The following SRGAP1 variants were observed in gnomAD, a reference collection of about 807,000 sequenced individuals.
The protein encoded by SRGAP1 is SLIT-ROBO Rho GTPase activating protein 1.
In SRGAP1, 43 loss-of-function variants were observed where a neutral mutation model predicts 121.9. The observed-to-expected ratio is 0.35, with a 90% CI of 0.28 to 0.46. The LOEUF is 0.46. SRGAP1 is among the 20% of genes least tolerant of loss of function. The probability of loss-of-function intolerance (pLI) is 1.00; values close to 1 mark genes in which losing one functional copy is unlikely to be tolerated. For synonymous variants in SRGAP1, 447 were observed against 485.4 expected (o/e 0.92, Z 1.04); for missense variants, 1,102 against 1,350.9 (o/e 0.82, Z 2.89).
At chr12:63,947,081 A>G (rs1248705042) in intron 1 of SRGAP1, among the ~76,000 whole-genome samples, 1 of 152,228 alleles carries the variant, frequency 6.6e-6, no homozygotes, top group South Asian at 2.1e-4. Flanking sequence ...TAACCACTAC[A>G]AATAAAAGTG....
rs1332026574 is a variant in SRGAP1, at chr12:63,861,158, GC to G, written c.67+16276del. 6.3e-5 allele frequency among the ~76,000 whole-genome samples: 9 copies of G among 143,270 alleles called. No individual in the cohort carries two copies. The East Asian group carries it at 1.8e-3, about 29-fold the overall frequency. The allele number at this position is 143,270 out of a possible 152,430, so 94.0% of individuals were successfully genotyped here. A position where few individuals can be genotyped will look rare whatever the true frequency, so the allele number is the denominator to read the frequency against. On this transcript the variant is annotated intron_variant, in intron 1 of 21. Transcript: ENST00000355086. Reference sequence around the variant, plus strand: ...GGTTGTAAAATTTCCTCTAAGTACTGCTTTACCTGCATTCTGTAATTTTTTT... The same window carrying G: ...GGTTGTAAAATTTCCTCTAAGTACTGTTTACCTGCATTCTGTAATTTTTTT...
intron 15 of SRGAP1, among the ~76,000 whole-genome samples, chr12:64,100,684 A>G (rs1370848638): frequency 6.6e-6 from 1 of 152,220 alleles, no homozygotes; most frequent in Non-Finnish European, 1.5e-5. Context: ...TCAAAAACAT[A>G]CATATTGACA....
chr12:64,035,154 G>C (rs980981642), intron 4 of SRGAP1, among the ~76,000 whole-genome samples: 3 of 152,004 alleles, frequency 2.0e-5, no homozygotes, highest in African/African-American at 7.3e-5. Context: ...ATCCATTGTA[G>C]GTGTATGTTA....
intron 15 of SRGAP1, among the ~76,000 whole-genome samples, chr12:64,100,208 A>T (rs553090708): frequency 6.6e-6 from 1 of 152,336 alleles, no homozygotes; most frequent in South Asian, 2.1e-4. Context: ...TGGGTTGGCC[A>T]CTTATCAATC....
chr12:64,051,616 A>C (rs1182909078), intron 6 of SRGAP1, among the ~76,000 whole-genome samples: 2 of 152,210 alleles, frequency 1.3e-5, no homozygotes, highest in Non-Finnish European at 2.9e-5. Context: ...AACTTTTAAT[A>C]ATTCAACACT....
chr12:63,954,157 T>C (rs1318006224), intron 1 of SRGAP1, among the ~76,000 whole-genome samples: 4 of 152,186 alleles, frequency 2.6e-5, no homozygotes, highest in Admixed American at 6.5e-5. Flanking sequence ...AGTAGCTCCA[T>C]AGGAAACTTT....
chr12:63,995,059 G>C (rs2033657153), intron 3 of SRGAP1, among the ~76,000 whole-genome samples: 1 of 152,208 alleles, frequency 6.6e-6, no homozygotes, highest in East Asian at 1.9e-4. Flanking sequence ...AACGTTAATA[G>C]AAGTATGTAG....
At chr12:63,876,209 C>T (rs752391366) in intron 1 of SRGAP1, among the ~76,000 whole-genome samples, 11 of 152,036 alleles carry the variant, frequency 7.2e-5, no homozygotes, top group East Asian at 1.9e-4. Flanking sequence ...TCAGAAAACA[C>T]GCTTGGAGAA....
intron 1 of SRGAP1, among the ~76,000 whole-genome samples, chr12:63,889,374 G>A (rs1900500015): frequency 6.6e-6 from 1 of 152,210 alleles, no homozygotes; most frequent in Non-Finnish European, 1.5e-5. Context: ...GAGGTGGAGA[G>A]AAGAGGCGGC....
chr12:63,993,488 T>C, intron 3 of SRGAP1, among the ~76,000 whole-genome samples: 1 of 152,224 alleles, frequency 6.6e-6, no homozygotes, highest in East Asian at 1.9e-4. Context: ...GAGTCATTAG[T>C]GAGCATAATG....
At position 64,145,556 on chromosome 12, in the gene SRGAP1, CT is replaced by C. The variant is rs763638921; in HGVS notation, c.*2897del. 2.6e-3 allele frequency: 378 copies of C among 144,960 alleles called. No homozygotes were observed. Among genetic ancestry groups the C allele is most frequent in the Non-Finnish European group, 3.0e-3 (196 of 65,732 alleles). 9.0% of individuals were successfully genotyped at this position (144,960 alleles called of 1,614,324 possible). ...CTATACTCCTATTGTCAGCTTGAGA[CT>C]TTTTTTTTTTTTCAATTCCAAATGA... On this transcript the variant is annotated 3_prime_UTR_variant, in exon 22 of 22. Transcript: ENST00000355086.
At position 64,126,129 on chromosome 12, in the gene SRGAP1, C is replaced by T. The variant is rs1401655826; in HGVS notation, c.2377C>T (p.Pro793Ser). Residue 793 changes from proline to serine, a missense_variant, in exon 19 of 22, where the codon CCT becomes TCT. Physicochemically the swap from Pro to Ser is moderately conservative, Grantham distance 74. This residue lies in a region of SRGAP1 where 40 missense variants were observed against 78.4 expected (regional missense o/e 0.51). Coordinates refer to ENST00000355086, the MANE Select transcript of SRGAP1 (RefSeq NM_020762.4). ...GRHNGIDGLV[P>S]HQYIVVQDMD... ...GCACAACGGGATTGACGGGCTGGTG[C>T]CTCACCAGTATATAGTGGTGCAGGA... 6.2e-7 allele frequency: 1 copy of T among 1,614,086 alleles called. No individual in the cohort carries two copies. The highest frequency in any genetic ancestry group is 1.7e-5 in the Admixed American group (1 of 60,010).
At chr12:64,069,271 G>A (rs1031685742) in intron 8 of SRGAP1, among the ~76,000 whole-genome samples, 3 of 152,128 alleles carry the variant, frequency 2.0e-5, no homozygotes, top group African/African-American at 7.2e-5. Flanking sequence ...AGAGAAGAGA[G>A]CAGTACACAC....
chr12:64,089,388 G>A lies in SRGAP1; in HGVS notation c.1437-1888G>A, dbSNP rs112446427. Among the ~76,000 whole-genome samples the A allele has an allele frequency of 3.7e-3, 561 of 152,236 alleles. 2 individuals are homozygous for A. Among genetic ancestry groups the A allele is most frequent in the African/African-American group, 0.013 (524 of 41,552 alleles). ...TGCCTTCTGCCTCCTGACCCACCCCGGTGCTTCCTTCTGTGGCCTCCCTGG... is the reference window on the plus strand; with the variant it reads ...TGCCTTCTGCCTCCTGACCCACCCCAGTGCTTCCTTCTGTGGCCTCCCTGG... On this transcript the variant is annotated intron_variant, in intron 11 of 21. Coordinates refer to ENST00000355086, the MANE Select transcript of SRGAP1 (RefSeq NM_020762.4).
At chr12:63,979,260 G>A (rs961179432) in intron 1 of SRGAP1, among the ~76,000 whole-genome samples, 2 of 151,950 alleles carry the variant, frequency 1.3e-5, no homozygotes, top group African/African-American at 4.8e-5. Context: ...GGATGGTCTC[G>A]ATCTCTTGAC....
intron 1 of SRGAP1, among the ~76,000 whole-genome samples, chr12:63,965,983 C>G (rs952894733): frequency 1.3e-5 from 2 of 152,160 alleles, no homozygotes; most frequent in African/African-American, 4.8e-5. Context: ...TCATGCCCAG[C>G]TAATTTTTGT....
intron 6 of SRGAP1, among the ~76,000 whole-genome samples, chr12:64,058,815 GAA>G (rs10716972): frequency 9.4e-5 from 14 of 148,928 alleles, no homozygotes; most frequent in Non-Finnish European, 8.9e-5. Context: ...TTCTAGTTTA[GAA>G]AAAAAAAAAA....
In SRGAP1 at chr12:64,155,204, C is replaced by T. The variant is rs950432723; in HGVS notation, c.*12532C>T. 2.0e-5 allele frequency: 3 copies of T among 152,012 alleles called. No homozygotes were observed. Among genetic ancestry groups the T allele is most frequent in the African/African-American group, 7.3e-5 (3 of 41,372 alleles). The allele number at this position is 152,012 out of a possible 1,614,324, so 9.4% of individuals were successfully genotyped here. A position where few individuals can be genotyped will look rare whatever the true frequency, so the allele number is the denominator to read the frequency against. On this transcript the variant is annotated 3_prime_UTR_variant, in exon 22 of 22. Coordinates refer to ENST00000355086, the MANE Select transcript of SRGAP1 (RefSeq NM_020762.4). ...GGATTACAGGTGCATGCAACCATGC[C>T]CAGCTAGTTTTTGTATTTTTTTGTA...
chr12:63,894,059 G>A (rs1341961793), intron 1 of SRGAP1, among the ~76,000 whole-genome samples: 1 of 152,138 alleles, frequency 6.6e-6, no homozygotes, highest in Non-Finnish European at 1.5e-5. Flanking sequence ...AGGCTGTCTC[G>A]AACTCCTGAC....
Sources: gnomAD v4.1 joint callset for allele counts (sites outside exome capture counted in the v4.1 genomes callset) on GRCh38, gnomAD v4.1.1 for gene constraint, gnomAD v4.1.1 regional missense constraint, MANE v1.5 for transcripts, NCBI Gene and HGNC (gene_info 2026-07-23, HGNC 2026-07-21) for gene names.